Variants in PTPRG observed in about 807,000 individuals in gnomAD.
PTPRG encodes the protein protein tyrosine phosphatase receptor type G, also known as receptor-type tyrosine-protein phosphatase gamma.
A neutral mutation model predicts 165.3 loss-of-function variants in PTPRG; 102 were observed. The observed-to-expected ratio is 0.62, with a 90% CI of 0.53 to 0.73. The LOEUF (loss-of-function observed/expected upper bound fraction) is 0.73, where lower values mean the gene tolerates loss of function less well. Among genes scored for constraint, PTPRG ranks in the 30% least tolerant of loss-of-function variants. The pLI, the probability that PTPRG is intolerant of heterozygous loss-of-function variation, is 0.00. For synonymous variants in PTPRG, 675 were observed against 669.5 expected, an observed-to-expected ratio of 1.01 and a Z score of -0.13; for missense variants, 1,866 against 1,861.4, an observed-to-expected ratio of 1.00 and a Z score of -0.05.
At chr3:62,196,498 G>T (rs990322550) in intron 10 of PTPRG, among the ~76,000 whole-genome samples, 15 of 152,182 alleles carry the variant, frequency 9.9e-5, no homozygotes, top group Admixed American at 5.2e-4. Context: ...ATTTTAAGTA[G>T]AGATAGATAC....
chr3:61,674,398 G>A (rs1455899064), intron 1 of PTPRG, among the ~76,000 whole-genome samples: 1 of 149,148 alleles, frequency 6.7e-6, no homozygotes, highest in Non-Finnish European at 1.5e-5. Context: ...GAGGTGGGAG[G>A]ATTGCTTGAA....
chr3:61,855,669 TTTA>T (rs202215462), intron 2 of PTPRG, among the ~76,000 whole-genome samples: 16 of 147,350 alleles, frequency 1.1e-4, no homozygotes, highest in South Asian at 6.5e-4. Context: ...TTTTTTTTTT[TTTA>T]AAAGCAAAGC....
chr3:62,060,949 A>G (rs887916888), intron 4 of PTPRG, among the ~76,000 whole-genome samples: 1 of 152,212 alleles, frequency 6.6e-6, no homozygotes, highest in African/African-American at 2.4e-5. Context: ...TAATACCTGC[A>G]TAATATTTCA....
intron 14 of PTPRG, among the ~76,000 whole-genome samples, chr3:62,231,944 C>T (rs1323606211): frequency 6.6e-6 from 1 of 151,866 alleles, no homozygotes; most frequent in Non-Finnish European, 1.5e-5. Flanking sequence ...CAGTTTTAAT[C>T]ACCACACTTG....
chr3:61,931,769 T>G (rs2039368079), intron 2 of PTPRG, among the ~76,000 whole-genome samples: 1 of 152,210 alleles, frequency 6.6e-6, no homozygotes, highest in African/African-American at 2.4e-5. Context: ...ACCAGGAGAT[T>G]CATTCAAGGA....
Position 62,292,304 on chromosome 3 carries a change from G to A in PTPRG, c.4056-117G>A. Reference sequence around the variant, plus strand: ...AGCATTTCATTCAGTCGTGTCTTTAGAGTAAATGTCAAAACAGTCTACTTA... The same window carrying A: ...AGCATTTCATTCAGTCGTGTCTTTAAAGTAAATGTCAAAACAGTCTACTTA... On this transcript the variant is annotated intron_variant, in intron 28 of 29. Transcript: ENST00000474889. 2.6e-6 allele frequency: 3 copies of A among 1,135,080 alleles called. No individual in the cohort carries two copies. The South Asian group carries it at 4.7e-5, about 18-fold the overall frequency. 70.3% of individuals were successfully genotyped at this position (1,135,080 alleles called of 1,614,324 possible).
chr3:62,230,679 G>A (rs753955578), intron 13 of PTPRG, among the ~76,000 whole-genome samples: 9 of 152,214 alleles, frequency 5.9e-5, no homozygotes, highest in Non-Finnish European at 1.3e-4. Context: ...TCCCTGAGGT[G>A]CCTCTCCTAT....
At chr3:62,230,783 T>C (rs998309548) in intron 13 of PTPRG, among the ~76,000 whole-genome samples, 8 of 152,218 alleles carry the variant, frequency 5.3e-5, no homozygotes, top group Non-Finnish European at 2.9e-5. Context: ...ATGTGTCTAA[T>C]GGCACCAAAT....
rs1450541332 is a variant in PTPRG, at chr3:61,870,617, G to C, written c.191-119008G>C. ...GCTGGCCTCGAACTCCTGAGCTCAG[G>C]TGATCCACCCACCTCAGCCTCCCAA... On this transcript the variant is annotated intron_variant, in intron 2 of 29. Transcript: ENST00000474889. 2.2e-4 allele frequency among the ~76,000 whole-genome samples: 32 copies of C among 146,560 alleles called. 1 individual carries two copies. Among genetic ancestry groups the C allele is most frequent in the African/African-American group, 8.2e-4 (32 of 39,146 alleles).
chr3:61,775,205 G>GGATTA (rs1026702793), intron 2 of PTPRG, among the ~76,000 whole-genome samples: 2 of 152,006 alleles, frequency 1.3e-5, no homozygotes, highest in Non-Finnish European at 2.9e-5. Context: ...TGAGCAGCTG[G>GGATTA]GATTACAGGC....
At chr3:61,772,876 C>T (rs539169231) in intron 2 of PTPRG, among the ~76,000 whole-genome samples, 1 of 152,234 alleles carries the variant, frequency 6.6e-6, no homozygotes, top group African/African-American at 2.4e-5. Flanking sequence ...AACTTTTTCC[C>T]GTGTCCTTCA....
chr3:61,710,683 CCTT>C (rs1397363964), intron 1 of PTPRG, among the ~76,000 whole-genome samples: 5 of 152,018 alleles, frequency 3.3e-5, no homozygotes, highest in Non-Finnish European at 5.9e-5. Flanking sequence ...AAGACACAGT[CCTT>C]CTTTTTCCAG....
chr3:62,064,399 C>T (rs1700931464), intron 4 of PTPRG, among the ~76,000 whole-genome samples: 1 of 152,080 alleles, frequency 6.6e-6, no homozygotes, highest in African/African-American at 2.4e-5. Flanking sequence ...TGATTTTCTC[C>T]TCTAACAATA....
intron 4 of PTPRG, among the ~76,000 whole-genome samples, chr3:62,029,700 G>A (rs916147437): frequency 5.9e-5 from 9 of 152,300 alleles, no homozygotes; most frequent in Admixed American, 2.0e-4. Context: ...GCCAAAAGGA[G>A]GCAGGATGAA....
chr3:62,076,655 C>T (rs1701398417), intron 4 of PTPRG, among the ~76,000 whole-genome samples: 1 of 151,596 alleles, frequency 6.6e-6, no homozygotes, highest in Non-Finnish European at 1.5e-5. Context: ...GACCTCGGCT[C>T]ACCGCAGCAT....
chr3:61,773,427 G>A (rs77693634), intron 2 of PTPRG, among the ~76,000 whole-genome samples: 3,154 of 152,254 alleles, frequency 0.021, 112 homozygotes, highest in African/African-American at 0.073. Flanking sequence ...ATAGAAAGAA[G>A]TGGTGAAAAC....
intron 1 of PTPRG, among the ~76,000 whole-genome samples, chr3:61,704,269 C>T (rs747425883): frequency 1.3e-5 from 2 of 152,124 alleles, no homozygotes; most frequent in Non-Finnish European, 2.9e-5. Flanking sequence ...AGTAACTGTA[C>T]CTACCATTTA....
chr3:61,876,471 G>A (rs1056941898), intron 2 of PTPRG, among the ~76,000 whole-genome samples: 2 of 152,238 alleles, frequency 1.3e-5, no homozygotes, highest in East Asian at 3.8e-4. Flanking sequence ...GTGGGCCACA[G>A]TCAACATTTG....
intron 2 of PTPRG, among the ~76,000 whole-genome samples, chr3:61,971,164 T>C (rs1323647967): frequency 6.6e-6 from 1 of 152,188 alleles, no homozygotes; most frequent in African/African-American, 2.4e-5. Flanking sequence ...GTGATTCTCC[T>C]ACCTCAGCCT....
Sources: allele counts gnomAD v4.1 joint callset (sites outside exome capture counted in the v4.1 genomes callset), GRCh38; gene constraint gnomAD v4.1.1; transcripts MANE v1.5; gene names NCBI Gene and HGNC (gene_info 2026-07-23, HGNC 2026-07-21).